FHIT: variants seen among roughly 807,000 people sequenced by gnomAD.
FHIT encodes bis(5'-adenosyl)-triphosphatase.
FHIT carries 19 observed loss-of-function variants against 17.9 expected under a neutral mutation model. That is an observed-to-expected ratio of 1.06 (90% CI 0.74 to 1.56). The LOEUF is 1.56. Ranked by LOEUF, FHIT falls within the 40% of genes most tolerant of loss-of-function variation. The pLI, the probability that FHIT is intolerant of heterozygous loss-of-function variation, is 0.00. For synonymous variants in FHIT, 81 were observed against 69.7 expected (o/e 1.16, Z -0.81); for missense variants, 248 against 189.2 (o/e 1.31, Z -1.82).
intron 1 of FHIT, among the ~76,000 whole-genome samples, chr3:61,218,882 C>T (rs2039758316): frequency 6.6e-6 from 1 of 152,182 alleles, no homozygotes; most frequent in East Asian, 1.9e-4. Flanking sequence ...ACCCCAGATT[C>T]TATCCCAGCA....
intron 5 of FHIT, among the ~76,000 whole-genome samples, chr3:60,263,951 C>T (rs1428829255): frequency 3.3e-5 from 5 of 151,278 alleles, no homozygotes; most frequent in African/African-American, 9.7e-5. Context: ...TTTAGATTTA[C>T]GTTGAGAATT....
At chr3:61,025,652 T>C (rs2032693697) in intron 3 of FHIT, among the ~76,000 whole-genome samples, 1 of 152,236 alleles carries the variant, frequency 6.6e-6, no homozygotes, top group Admixed American at 6.5e-5. Flanking sequence ...CATCTAAACT[T>C]TGACTCTCCT....
chr3:60,831,364 G>A (rs1702319945), intron 3 of FHIT, among the ~76,000 whole-genome samples: 1 of 152,176 alleles, frequency 6.6e-6, no homozygotes, highest in South Asian at 2.1e-4. Flanking sequence ...GACTAAGAGA[G>A]CCAATTACTT....
At chr3:61,204,340 A>C (rs2039135533) in intron 1 of FHIT, among the ~76,000 whole-genome samples, 1 of 152,198 alleles carries the variant, frequency 6.6e-6, no homozygotes, top group Non-Finnish European at 1.5e-5. Context: ...CTGGACAATC[A>C]GTTTATTATT....
intron 5 of FHIT, among the ~76,000 whole-genome samples, chr3:60,215,810 C>G (rs1036782692): frequency 6.6e-6 from 1 of 152,042 alleles, no homozygotes; most frequent in Non-Finnish European, 1.5e-5. Flanking sequence ...ATGTACAGAG[C>G]CTGGGCTTGG....
chr3:61,051,167 A>T (rs767590114), intron 2 of FHIT, among the ~76,000 whole-genome samples: 4 of 152,232 alleles, frequency 2.6e-5, no homozygotes, highest in Non-Finnish European at 4.4e-5. Flanking sequence ...AGATGAAGTT[A>T]TAATAAAAAT....
chr3:60,204,823 A>G (rs1703095400), intron 5 of FHIT, among the ~76,000 whole-genome samples: 1 of 152,144 alleles, frequency 6.6e-6, no homozygotes, highest in African/African-American at 2.4e-5. Flanking sequence ...ATGTAATGTA[A>G]CAATACCTAT....
At chr3:60,706,669 G>A (rs369535846) in intron 4 of FHIT, among the ~76,000 whole-genome samples, 9 of 152,008 alleles carry the variant, frequency 5.9e-5, no homozygotes, top group African/African-American at 2.2e-4. Context: ...CCTCAAAAAG[G>A]AAGAAAAAAT....
chr3:60,801,932 C>T (rs993560147), intron 4 of FHIT, among the ~76,000 whole-genome samples: 30 of 152,212 alleles, frequency 2.0e-4, no homozygotes, highest in Non-Finnish European at 3.4e-4. Context: ...TAAATTCCTA[C>T]ATTGAAAGAA....
rs554496254 is a variant in FHIT, at chr3:60,423,575, T to C, written c.103+113285A>G. Among the ~76,000 whole-genome samples, 13 of 152,300 alleles carry C rather than the reference T, an allele frequency of 8.5e-5. No homozygotes were observed. In the South Asian group the frequency reaches 2.5e-3, roughly 29 times the overall value. ...GCCTAAACTAAATGTTTAGTAATGT[T>C]TCCCCTAATAATTCTTAAAGTTTAA... is the stretch of plus-strand genomic sequence containing the variant. On this transcript the variant is annotated intron_variant, in intron 5 of 9. Transcript: ENST00000492590.
At chr3:59,986,532 T>TAC (rs1219101044) in intron 7 of FHIT, among the ~76,000 whole-genome samples, 12 of 12,100 alleles carry the variant, frequency 9.9e-4, no homozygotes, top group African/African-American at 6.4e-3. Context: ...TATATATATA[T>TAC]ATATATATAC....
Position 59,749,546 on chromosome 3 carries a change from G to A in FHIT, c.*39C>T. The stretch of plus-strand genomic sequence containing the variant: ...GCGGTCTTCAAACTGGTTGGCAATA[G>A]CTCTTTTGCTGGAATTCAGGATCTG... On this transcript the variant is annotated 3_prime_UTR_variant, in exon 10 of 10. Transcript: ENST00000492590. 1 of 231,266 alleles carries A rather than the reference G, an allele frequency of 4.3e-6. No homozygotes were observed. Among genetic ancestry groups the A allele is most frequent in the East Asian group, 6.1e-5 (1 of 16,354 alleles). 14.3% of individuals were successfully genotyped at this position (231,266 alleles called of 1,614,324 possible). A position where few individuals can be genotyped will look rare whatever the true frequency, so the allele number is the denominator to read the frequency against.
At chr3:60,201,044 T>C (rs1298580226) in intron 5 of FHIT, among the ~76,000 whole-genome samples, 1 of 152,146 alleles carries the variant, frequency 6.6e-6, no homozygotes, top group Non-Finnish European at 1.5e-5. Context: ...TTACCCAACT[T>C]AAAATAGAAC....
At chr3:60,784,769 G>A (rs1440748091) in intron 4 of FHIT, among the ~76,000 whole-genome samples, 2 of 152,214 alleles carry the variant, frequency 1.3e-5, no homozygotes, top group African/African-American at 4.8e-5. Context: ...TGAGGAAGTA[G>A]GGCCTTTGAG....
chr3:59,946,679 T>C (rs903652316), intron 7 of FHIT, among the ~76,000 whole-genome samples: 1 of 152,212 alleles, frequency 6.6e-6, no homozygotes, highest in African/African-American at 2.4e-5. Flanking sequence ...TTGAGGTAAG[T>C]TCATTCTTCC....
At chr3:59,866,710 C>T (rs1382811825) in intron 8 of FHIT, among the ~76,000 whole-genome samples, 2 of 151,994 alleles carry the variant, frequency 1.3e-5, no homozygotes. Context: ...GGGTGGAACA[C>T]GTGGTATGTG....
At chr3:60,136,566 A>C (rs768577391) in intron 5 of FHIT, among the ~76,000 whole-genome samples, 26 of 152,146 alleles carry the variant, frequency 1.7e-4, no homozygotes, top group Non-Finnish European at 3.4e-4. Context: ...GCCACTATCC[A>C]ATTTCTATCC....
intron 5 of FHIT, among the ~76,000 whole-genome samples, chr3:60,260,520 G>C (rs1057440313): frequency 1.3e-5 from 2 of 152,056 alleles, no homozygotes; most frequent in Non-Finnish European, 2.9e-5. Context: ...AAAAGTGATT[G>C]TTGGGGCTTT....
chr3:60,818,343 C>A (rs2205349), intron 4 of FHIT, among the ~76,000 whole-genome samples: 129,129 of 152,066 alleles, frequency 0.85, 55,669 homozygotes, highest in East Asian at 0.95. Context: ...TTATTGTATG[C>A]AGAGCTTCAA....
Sources: allele counts gnomAD v4.1 joint callset (sites outside exome capture counted in the v4.1 genomes callset), GRCh38; gene constraint gnomAD v4.1.1; transcripts MANE v1.5; gene names NCBI Gene and HGNC (gene_info 2026-07-23, HGNC 2026-07-21).